The following NRG3 variants were observed in gnomAD, a reference collection of about 807,000 sequenced individuals.
The protein encoded by NRG3 is pro-neuregulin-3, membrane-bound isoform.
Under a neutral mutation model 66.9 loss-of-function variants are expected in NRG3, and 31 were observed. The ratio of observed to expected loss-of-function variants is 0.46; its 90% CI spans 0.35 to 0.63. NRG3 has a LOEUF of 0.63. Among genes scored for constraint, NRG3 ranks in the 20% least tolerant of loss-of-function variants. The pLI is 0.00. For synonymous variants in NRG3, 393 were observed against 359.4 expected (o/e 1.09, Z -1.06); for missense variants, 910 against 878.9 (o/e 1.04, Z -0.45).
intron 1 of NRG3, among the ~76,000 whole-genome samples, chr10:82,000,947 C>T (rs1406615890): frequency 6.6e-6 from 1 of 151,994 alleles, no homozygotes; most frequent in Non-Finnish European, 1.5e-5. Context: ...GAATTTGTTT[C>T]AGTTTTTAAT....
chr10:82,214,583 C>G (rs2075569420), intron 1 of NRG3, among the ~76,000 whole-genome samples: 1 of 152,142 alleles, frequency 6.6e-6, no homozygotes, highest in Non-Finnish European at 1.5e-5. Context: ...TCACTGTAGT[C>G]TCCCAAGTAG....
intron 1 of NRG3, among the ~76,000 whole-genome samples, chr10:82,101,774 T>A (rs2066735920): frequency 8.1e-6 from 1 of 122,896 alleles, no homozygotes; most frequent in African/African-American, 2.5e-5. Flanking sequence ...GAATATTTCA[T>A]GGTTACTTGA....
Position 82,266,977 on chromosome 10 carries a change from T to C in NRG3, c.824-91762T>C, listed in dbSNP as rs1052934935. 1.5e-4 allele frequency among the ~76,000 whole-genome samples: 23 copies of C among 152,286 alleles called. No individual in the cohort carries two copies. In the East Asian group the frequency reaches 2.9e-3, roughly 19 times the overall value. ...TCCAAAGTCTGGCTGCAGAGTAGAA[T>C]CACCTGGAATGTCCAAAATAAAAAT... On this transcript the variant is annotated intron_variant, in intron 1 of 8. Transcript: ENST00000372141.
intron 1 of NRG3, among the ~76,000 whole-genome samples, chr10:82,056,511 G>A (rs1480591374): frequency 1.3e-5 from 2 of 152,152 alleles, no homozygotes; most frequent in Non-Finnish European, 2.9e-5. Flanking sequence ...ATCAAAGAAT[G>A]GAGAGGCTGA....
chr10:82,830,768 A>T (rs1302957644), intron 3 of NRG3, among the ~76,000 whole-genome samples: 1 of 152,142 alleles, frequency 6.6e-6, no homozygotes, highest in South Asian at 2.1e-4. Context: ...CTAAAAAGAG[A>T]TAAAGGAACC....
intron 2 of NRG3, among the ~76,000 whole-genome samples, chr10:82,525,510 T>A (rs1565027076): frequency 6.6e-6 from 1 of 151,706 alleles, no homozygotes; most frequent in Non-Finnish European, 1.5e-5. Context: ...GAATTTATGA[T>A]AACTTTTGAG....
At chr10:81,929,578 G>A (rs1847140474) in intron 1 of NRG3, among the ~76,000 whole-genome samples, 1 of 152,094 alleles carries the variant, frequency 6.6e-6, no homozygotes, top group Non-Finnish European at 1.5e-5. Flanking sequence ...CCTTCATCAG[G>A]CTTCTCTTTC....
intron 1 of NRG3, among the ~76,000 whole-genome samples, chr10:82,284,935 G>A (rs1279642616): frequency 2.0e-5 from 3 of 151,994 alleles, no homozygotes; most frequent in Non-Finnish European, 4.4e-5. Context: ...AAAACATTAC[G>A]TTTAAAATCC....
chr10:82,057,218 A>G (rs1443444831), intron 1 of NRG3, among the ~76,000 whole-genome samples: 1 of 152,100 alleles, frequency 6.6e-6, no homozygotes, highest in African/African-American at 2.4e-5. Context: ...CATATCTGAT[A>G]GTCTTTTTAA....
At chr10:82,607,483 T>G (rs1457223743) in intron 2 of NRG3, among the ~76,000 whole-genome samples, 2 of 152,150 alleles carry the variant, frequency 1.3e-5, no homozygotes, top group African/African-American at 4.8e-5. Context: ...CCTTATTAAG[T>G]GGACTTCTTA....
In NRG3 at chr10:82,675,450, C is replaced by T. The variant is rs116215852; in HGVS notation, c.954-63127C>T. 7.5e-3 allele frequency among the ~76,000 whole-genome samples: 1,142 copies of T among 152,142 alleles called. 12 individuals are homozygous for T. The highest frequency in any genetic ancestry group is 0.026 in the African/African-American group (1,089 of 41,500). On this transcript the variant is annotated intron_variant, in intron 2 of 8. Transcript: ENST00000372141. Reference sequence around the variant, plus strand: ...CCAGGTGTCAGACATGCAAAGAACCCGAAAAGACATTTCAAAAGGCCAATC... The same window carrying T: ...CCAGGTGTCAGACATGCAAAGAACCTGAAAAGACATTTCAAAAGGCCAATC...
intron 3 of NRG3, among the ~76,000 whole-genome samples, chr10:82,821,107 T>C (rs192524217): frequency 2.8e-4 from 42 of 152,342 alleles, no homozygotes; most frequent in Non-Finnish European, 4.9e-4. Flanking sequence ...TTTCATGACC[T>C]TGTTTTATTT....
chr10:82,733,244 T>G (rs2058005240), intron 2 of NRG3, among the ~76,000 whole-genome samples: 1 of 152,218 alleles, frequency 6.6e-6, no homozygotes, highest in Non-Finnish European at 1.5e-5. Context: ...TCTTCATATA[T>G]TTGTCTCTAT....
At chr10:81,995,391 C>T (rs1564721997) in intron 1 of NRG3, among the ~76,000 whole-genome samples, 1 of 152,118 alleles carries the variant, frequency 6.6e-6, no homozygotes, top group Non-Finnish European at 1.5e-5. Flanking sequence ...CCTGTTTGCT[C>T]ACTTGGTTTC....
At chr10:82,512,330 G>C (rs905300820) in intron 2 of NRG3, among the ~76,000 whole-genome samples, 1 of 151,590 alleles carries the variant, frequency 6.6e-6, no homozygotes, top group Non-Finnish European at 1.5e-5. Flanking sequence ...CTGTTGCCCA[G>C]GCTGGAGTGC....
chr10:82,753,832 A>T (rs1591415318), intron 3 of NRG3, among the ~76,000 whole-genome samples: 2 of 151,618 alleles, frequency 1.3e-5, no homozygotes, highest in Non-Finnish European at 2.9e-5. Flanking sequence ...ATGTAATCCT[A>T]GTTCTTTGGG....
intron 1 of NRG3, among the ~76,000 whole-genome samples, chr10:82,221,834 T>G (rs1371810906): frequency 6.6e-6 from 1 of 152,096 alleles, no homozygotes; most frequent in Non-Finnish European, 1.5e-5. Flanking sequence ...GAGTTGTCAC[T>G]GAAGCCATCC....
intron 1 of NRG3, among the ~76,000 whole-genome samples, chr10:81,912,194 C>T (rs1845234139): frequency 6.6e-6 from 1 of 151,942 alleles, no homozygotes; most frequent in South Asian, 2.1e-4. Context: ...TTTGAGTGAA[C>T]ACAAGTATGT....
intron 1 of NRG3, among the ~76,000 whole-genome samples, chr10:81,938,272 TG>T (rs1322104694): frequency 1.3e-5 from 2 of 152,112 alleles, no homozygotes; most frequent in Non-Finnish European, 2.9e-5. Flanking sequence ...AAATGCCATT[TG>T]GATTTTGAAA....
Sources: allele counts gnomAD v4.1 joint callset (sites outside exome capture counted in the v4.1 genomes callset), GRCh38; gene constraint gnomAD v4.1.1; transcripts MANE v1.5; gene names NCBI Gene and HGNC (gene_info 2026-07-23, HGNC 2026-07-21).